AIF1L: variants seen among roughly 807,000 people sequenced by gnomAD.
AIF1L encodes the protein allograft inflammatory factor 1-like.
AIF1L carries 12 observed loss-of-function variants against 20.7 expected under a neutral mutation model. The ratio of observed to expected loss-of-function variants is 0.58; its 90% CI spans 0.37 to 0.94. AIF1L has a LOEUF of 0.94. Ranked by LOEUF, AIF1L falls within the 40% of genes least tolerant of loss-of-function variation. The pLI, the probability that AIF1L is intolerant of heterozygous loss-of-function variation, is 0.01. For synonymous variants in AIF1L, 76 were observed against 65.1 expected, an observed-to-expected ratio of 1.17 and a Z score of -0.81; for missense variants, 173 against 185.3, an observed-to-expected ratio of 0.93 and a Z score of 0.39.
chr9:131,110,310 A>G (rs942639170), intron 2 of AIF1L, among the ~76,000 whole-genome samples: 2 of 151,944 alleles, frequency 1.3e-5, no homozygotes, highest in Non-Finnish European at 2.9e-5. Context: ...TTAGTGTCCA[A>G]TCCTCCCCAC....
In AIF1L at chr9:131,120,399, ATC is replaced by A. The variant is rs147761552; in HGVS notation, c.*90_*91del. The stretch of plus-strand genomic sequence containing the variant: ...TTGCTGCCCTTCTTGACACACTGTG[ATC>A]TCTCTCTCTCTCATTTGTTTGGTCA... On this transcript the variant is annotated 3_prime_UTR_variant, in exon 6 of 6. Transcript: ENST00000247291. 6.7e-4 allele frequency: 741 copies of A among 1,100,994 alleles called. No homozygotes were observed. The highest frequency in any genetic ancestry group is 7.6e-4 in the Non-Finnish European group (590 of 778,548). The allele number at this position is 1,100,994 out of a possible 1,614,324, so 68.2% of individuals were successfully genotyped here.
intron 2 of AIF1L, among the ~76,000 whole-genome samples, chr9:131,102,086 T>C (rs1439493635): frequency 6.6e-6 from 1 of 152,050 alleles, no homozygotes; most frequent in African/African-American, 2.4e-5. Context: ...CTAATTTTTG[T>C]ATTTTTAGTA....
chr9:131,100,502 G>A (rs1341622602), intron 2 of AIF1L, among the ~76,000 whole-genome samples: 1 of 152,174 alleles, frequency 6.6e-6, no homozygotes, highest in South Asian at 2.1e-4. Context: ...AAACAGCCTC[G>A]ACTTGAACCC....
chr9:131,115,785 G>A (rs982101949), intron 4 of AIF1L, among the ~76,000 whole-genome samples: 7 of 151,740 alleles, frequency 4.6e-5, no homozygotes, highest in Admixed American at 2.6e-4. Context: ...ACCAGCCTGG[G>A]CAACATGGTG....
At chr9:131,116,095 G>GT (rs1831006897) in intron 4 of AIF1L, among the ~76,000 whole-genome samples, 1 of 151,646 alleles carries the variant, frequency 6.6e-6, no homozygotes, top group Non-Finnish European at 1.5e-5. Flanking sequence ...CCTCCCAGAA[G>GT]TAACTGCTAC....
intron 2 of AIF1L, chr9:131,098,083 C>T (rs1217568054): frequency 6.5e-6 from 1 of 152,908 alleles, no homozygotes; most frequent in Non-Finnish European, 1.5e-5. Context: ...GGGTCCGAGC[C>T]TGGGGCCAGG....
At chr9:131,111,779 G>T in intron 3 of AIF1L, 116 bp downstream of exon 3, 1 of 1,063,048 alleles carries the variant, frequency 9.4e-7, no homozygotes, top group East Asian at 2.4e-5. Context: ...GTTTTGTCCA[G>T]AATGCCCTTC....
chr9:131,120,129 G>T, intron 5 of AIF1L, 106 bp from the exon 6 acceptor site: 1 of 1,067,008 alleles, frequency 9.4e-7, no homozygotes. Flanking sequence ...TTTAAATTCT[G>T]TTGAGGACCC....
At chr9:131,101,760 C>T (rs1373165208) in intron 2 of AIF1L, among the ~76,000 whole-genome samples, 1 of 151,798 alleles carries the variant, frequency 6.6e-6, no homozygotes, top group Non-Finnish European at 1.5e-5. Flanking sequence ...TGGCCCCTGT[C>T]ACCAGGTGGC....
At chr9:131,097,437 G>A (rs1470698540) in intron 2 of AIF1L, among the ~76,000 whole-genome samples, 1 of 151,614 alleles carries the variant, frequency 6.6e-6, no homozygotes, top group African/African-American at 2.4e-5. Context: ...GACTCTGATG[G>A]GCGTAGAGAT....
At position 131,111,590 on chromosome 9, in the gene AIF1L, T is replaced by C; in HGVS notation, c.94-7T>C. ...CCTTGCTCAGCACTGTCCTCTCACCTCTGTAGGAGTTTCTGTGTGACCAGA... is the reference window on the plus strand; with the variant it reads ...CCTTGCTCAGCACTGTCCTCTCACCCCTGTAGGAGTTTCTGTGTGACCAGA... On this transcript the variant is annotated splice_polypyrimidine_tract_variant and splice_region_variant and intron_variant, in intron 2 of 5. Transcript: ENST00000247291. The C allele has an allele frequency of 6.2e-7, 1 of 1,613,434 alleles. No individual in the cohort carries two copies. The highest frequency in any genetic ancestry group is 8.5e-7 in the Non-Finnish European group (1 of 1,179,504).
At chr9:131,118,633 G>A (rs1448412787) in intron 5 of AIF1L, among the ~76,000 whole-genome samples, 1 of 149,048 alleles carries the variant, frequency 6.7e-6, no homozygotes, top group Non-Finnish European at 1.5e-5. Flanking sequence ...TGCAACCTCC[G>A]CCTCCTGAGC....
Position 131,100,149 on chromosome 9 carries a change from C to T in AIF1L, c.93+3286C>T, listed in dbSNP as rs189629849. Among the ~76,000 whole-genome samples the T allele has an allele frequency of 2.4e-4, 37 of 152,280 alleles. No homozygotes were observed. In the East Asian group the frequency reaches 6.6e-3, roughly 27 times the overall value. The stretch of plus-strand genomic sequence containing the variant: ...CCTCTACCTCCCCAGCTCAAGCAAT[C>T]TTCCATCTCATCCTCTCAAGTAGCT... On this transcript the variant is annotated intron_variant, in intron 2 of 5. Coordinates refer to ENST00000247291, the MANE Select transcript of AIF1L (RefSeq NM_031426.4).
At chr9:131,103,151 ACT>A (rs1213374700) in intron 2 of AIF1L, among the ~76,000 whole-genome samples, 4 of 151,978 alleles carry the variant, frequency 2.6e-5, no homozygotes, top group Admixed American at 2.6e-4. Context: ...GGCTTGGGGG[ACT>A]CTGGCGAGCA....
intron 2 of AIF1L, chr9:131,111,296 G>C (rs1157356197): frequency 9.1e-6 from 3 of 328,300 alleles, no homozygotes; most frequent in Non-Finnish European, 1.7e-5. Context: ...TGAAGCTGGG[G>C]TGTCTTGGGG....
In AIF1L at chr9:131,111,594, T is replaced by C. The variant is rs748827578; in HGVS notation, c.94-3T>C. On this transcript the variant is annotated splice_polypyrimidine_tract_variant and splice_region_variant and intron_variant, in intron 2 of 5. Transcript: ENST00000247291. ...GCTCAGCACTGTCCTCTCACCTCTG[T>C]AGGAGTTTCTGTGTGACCAGAAGTA... is the stretch of plus-strand genomic sequence containing the variant. 2.5e-6 allele frequency: 4 copies of C among 1,613,642 alleles called. No homozygotes were observed. Among genetic ancestry groups the C allele is most frequent in the East Asian group, 4.5e-5 (2 of 44,878 alleles).
chr9:131,102,578 G>A (rs911636573), intron 2 of AIF1L, among the ~76,000 whole-genome samples: 2 of 152,254 alleles, frequency 1.3e-5, no homozygotes, highest in South Asian at 4.1e-4. Context: ...CAGGAAGCTG[G>A]AGATGGAATT....
chr9:131,101,414 T>C (rs764512828), intron 2 of AIF1L, among the ~76,000 whole-genome samples: 2 of 151,606 alleles, frequency 1.3e-5, no homozygotes, highest in Non-Finnish European at 2.9e-5. Flanking sequence ...TGGTGTGATC[T>C]CGGCTCACTG....
Position 131,123,133 on chromosome 9 carries a change from C to T in AIF1L, c.*2811C>T, listed in dbSNP as rs1027555384. 2 of 152,230 alleles carry T rather than the reference C, an allele frequency of 1.3e-5. 1 individual carries two copies. The highest frequency in any genetic ancestry group is 2.9e-5 in the Non-Finnish European group (2 of 68,050). The allele number at this position is 152,230 out of a possible 1,614,324, so 9.4% of individuals were successfully genotyped here. A position where few individuals can be genotyped will look rare whatever the true frequency, so the allele number is the denominator to read the frequency against. On this transcript the variant is annotated 3_prime_UTR_variant, in exon 6 of 6. Coordinates refer to ENST00000247291, the MANE Select transcript of AIF1L (RefSeq NM_031426.4). The stretch of plus-strand genomic sequence containing the variant: ...TCATCTCTACAGCCTGCAAATAAAC[C>T]AGACAAACTTACCAACGTCTTGATT...
Sources: allele counts gnomAD v4.1 joint callset (sites outside exome capture counted in the v4.1 genomes callset), GRCh38; gene constraint gnomAD v4.1.1; transcripts MANE v1.5; gene names NCBI Gene and HGNC (gene_info 2026-07-23, HGNC 2026-07-21).